IWS1: variants seen among roughly 807,000 people sequenced by gnomAD.
The protein encoded by IWS1 is interacts with SUPT6H, CTD assembly factor 1, also known as protein IWS1 homolog.
In IWS1, 27 loss-of-function variants were observed where a neutral mutation model predicts 86.7. That is an observed-to-expected ratio of 0.31 (90% confidence interval 0.23 to 0.43). IWS1 has a LOEUF of 0.43. IWS1 is among the 20% of genes least tolerant of loss of function. The pLI is 1.00. For synonymous variants in IWS1, 313 were observed against 335.1 expected (o/e 0.93, Z 0.72); for missense variants, 827 against 1,000.8 (o/e 0.83, Z 2.34).
chr2:127,521,887 G>C (rs1426164874), intron 2 of IWS1, among the ~76,000 whole-genome samples: 1 of 152,136 alleles, frequency 6.6e-6, no homozygotes, highest in Non-Finnish European at 1.5e-5. Flanking sequence ...TGCACCATGA[G>C]GCCATGAGAT....
At chr2:127,515,599 G>C (rs898562200) in intron 2 of IWS1, among the ~76,000 whole-genome samples, 6 of 152,136 alleles carry the variant, frequency 3.9e-5, no homozygotes, top group Non-Finnish European at 5.9e-5. Flanking sequence ...GTCAAACAAG[G>C]ACTTTTGGCA....
At chr2:127,484,306 C>T (rs910185948) in intron 13 of IWS1, among the ~76,000 whole-genome samples, 2 of 151,766 alleles carry the variant, frequency 1.3e-5, no homozygotes, top group Non-Finnish European at 1.5e-5. Context: ...AGTGAGACAC[C>T]GTCTCAAAAA....
chr2:127,500,787 GTTCT>G (rs1395505434), intron 5 of IWS1, among the ~76,000 whole-genome samples: 3 of 151,996 alleles, frequency 2.0e-5, no homozygotes, highest in Admixed American at 1.3e-4. Flanking sequence ...TTGTCCTATA[GTTCT>G]TTCTCTTTTC....
At chr2:127,518,589 G>C (rs1395390741) in intron 2 of IWS1, among the ~76,000 whole-genome samples, 2 of 135,216 alleles carry the variant, frequency 1.5e-5, no homozygotes, top group African/African-American at 5.8e-5. Context: ...TTTTGAGGCA[G>C]AGTTTTGCTC....
intron 2 of IWS1, among the ~76,000 whole-genome samples, chr2:127,519,735 A>C (rs1210153066): frequency 6.6e-6 from 1 of 152,206 alleles, no homozygotes; most frequent in Non-Finnish European, 1.5e-5. Context: ...TAAGGTAAGG[A>C]CCTTGAAATA....
At chr2:127,495,772 T>C (rs1690479227) in intron 7 of IWS1, among the ~76,000 whole-genome samples, 1 of 152,218 alleles carries the variant, frequency 6.6e-6, no homozygotes, top group South Asian at 2.1e-4. Context: ...AGCAAAGCCA[T>C]TCACCTAAAA....
Position 127,504,935 on chromosome 2 carries a change from T to C in IWS1, c.968A>G (p.His323Arg). The C allele has an allele frequency of 6.2e-7, 1 of 1,614,228 alleles. No individual in the cohort carries two copies. The highest frequency in any genetic ancestry group is 8.5e-7 in the Non-Finnish European group (1 of 1,180,042). The change falls in exon 3 of 14, where the codon CAC becomes CGC. Residue 323 changes from histidine to arginine, a missense_variant. Transcript: ENST00000295321. ...ATCATCTGACTCTGGCTTCTGTTTG[T>C]GTCTGGACGCATCCTCAGTTTCTGA... Reference protein sequence around the residue: ...SDSETEDASRHKQKPESDDDS... With the variant: ...SDSETEDASRRKQKPESDDDS...
chr2:127,485,279 G>C (rs1009049503), intron 13 of IWS1, among the ~76,000 whole-genome samples: 6 of 152,176 alleles, frequency 3.9e-5, no homozygotes, highest in South Asian at 2.1e-4. Flanking sequence ...GGGTCATGGA[G>C]AAGAACCATA....
upstream of IWS1, chr2:127,527,034 T>G (rs1692460961): frequency 1.0e-5 from 2 of 199,822 alleles, no homozygotes; most frequent in African/African-American, 4.7e-5. Context: ...CGTCTTTGCT[T>G]CCAGAAGGGT....
rs1453813783 is a variant in IWS1, at chr2:127,526,470, C to T, written c.-262G>A. 9 of 1,528,922 alleles carry T rather than the reference C, an allele frequency of 5.9e-6. No individual in the cohort carries two copies. The highest frequency in any genetic ancestry group is 7.9e-6 in the Non-Finnish European group (9 of 1,135,742). 94.7% of individuals were successfully genotyped at this position (1,528,922 alleles called of 1,614,324 possible). On this transcript the variant is annotated 5_prime_UTR_variant, in exon 1 of 14. Coordinates refer to ENST00000295321, the MANE Select transcript of IWS1 (RefSeq NM_017969.3). ...GGCGTTCTACTTCCTAGAAGCACCG[C>T]TGGGGCCAAAATGGCGTCTGCCCAC...
chr2:127,483,762 T>C (rs1257382985), intron 13 of IWS1, among the ~76,000 whole-genome samples: 1 of 151,938 alleles, frequency 6.6e-6, no homozygotes, highest in Non-Finnish European at 1.5e-5. Flanking sequence ...CCCAAGTAGC[T>C]AGGACTACAG....
At chr2:127,518,446 T>C (rs1691895816) in intron 2 of IWS1, among the ~76,000 whole-genome samples, 1 of 151,894 alleles carries the variant, frequency 6.6e-6, no homozygotes, top group Non-Finnish European at 1.5e-5. Context: ...CGTGGGAGGT[T>C]GAGGCTGCAG....
chr2:127,525,560 C>A lies in IWS1; in HGVS notation c.34+615G>T, dbSNP rs1379876964. 2.0e-5 allele frequency among the ~76,000 whole-genome samples: 3 copies of A among 152,324 alleles called. No homozygotes were observed. In the East Asian group the frequency reaches 5.8e-4, roughly 29 times the overall value. On this transcript the variant is annotated intron_variant, in intron 1 of 13. Transcript: ENST00000295321. ...GTTCTGCCTCACTTATCCTTAATCT[C>A]AGGTGCCAAGCACCGTGCCAGCAGA...
Position 127,481,048 on chromosome 2 carries a change from A to T in IWS1, c.2456T>A (p.Leu819Ter). Residue 819 changes from leucine to a stop codon, truncating the protein, a stop_gained, in exon 14 of 14, where the codon TTG (leucine) becomes TAG (stop). Transcript: ENST00000295321. LOFTEE classifies it high-confidence loss of function. ...GGGGACACATTCCAGGCAAGGTCAC[A>T]ATGGCATTTTGTTGCCCTCAATGCT... is the stretch of plus-strand genomic sequence containing the variant. ...KISIEGNKMP[L>*] 3 of 1,608,390 alleles carry T rather than the reference A, an allele frequency of 1.9e-6. No individual in the cohort carries two copies. Among genetic ancestry groups the T allele is most frequent in the Non-Finnish European group, 1.7e-6 (2 of 1,178,258 alleles).
At chr2:127,504,575 C>CTT in intron 3 of IWS1, 109 bp downstream of exon 3, 1 of 803,868 alleles carries the variant, frequency 1.2e-6, no homozygotes, top group Non-Finnish European at 2.0e-6. Context: ...GAATATTAAG[C>CTT]TGAATAACAG....
upstream of IWS1, chr2:127,526,767 G>T: frequency 9.5e-7 from 1 of 1,051,130 alleles, no homozygotes; most frequent in Non-Finnish European, 1.3e-6. Context: ...ATGAAGACCT[G>T]CTCAAATGAC....
rs529206562 is a variant in IWS1 at position 127,499,152 on chromosome 2, G to A, written c.1468-915C>T. Reference sequence around the variant, plus strand: ...GTCGCCCAGGCCAGAGTGCAGTGGCGTGATCTCGGCTCACTGCAAGCTCCA... The same window carrying A: ...GTCGCCCAGGCCAGAGTGCAGTGGCATGATCTCGGCTCACTGCAAGCTCCA... On this transcript the variant is annotated intron_variant, in intron 5 of 13. Coordinates refer to ENST00000295321, the MANE Select transcript of IWS1 (RefSeq NM_017969.3). The surrounding 1 kb of genome is among the most constrained non-coding windows in gnomAD (Gnocchi z 4.0). Among the ~76,000 whole-genome samples the A allele has an allele frequency of 6.0e-5, 9 of 150,448 alleles. No homozygotes were observed. In the East Asian group the frequency reaches 1.6e-3, roughly 26 times the overall value.
intron 2 of IWS1, chr2:127,514,878 G>C (rs2104728269): frequency 6.6e-6 from 1 of 152,426 alleles, no homozygotes; most frequent in South Asian, 2.1e-4. Flanking sequence ...CGAGTGGGCA[G>C]GGTGAGTCCA....
At chr2:127,525,161 A>C (rs1020318901) in intron 1 of IWS1, among the ~76,000 whole-genome samples, 1 of 150,304 alleles carries the variant, frequency 6.7e-6, no homozygotes, top group Non-Finnish European at 1.5e-5. Flanking sequence ...TGGTCTCACT[A>C]TGTTGCCCAG....
Sources: gnomAD v4.1 joint callset for allele counts (sites outside exome capture counted in the v4.1 genomes callset) on GRCh38, gnomAD v4.1.1 for gene constraint, Gnocchi (gnomAD v3.1) non-coding constraint, MANE v1.5 for transcripts, NCBI Gene and HGNC (gene_info 2026-07-23, HGNC 2026-07-21) for gene names.